DTNA: variants seen among roughly 807,000 people sequenced by gnomAD.
DTNA encodes the protein dystrobrevin alpha.
In DTNA, 43 loss-of-function variants were observed where a neutral mutation model predicts 100.7. The observed-to-expected ratio is 0.43, with a 90% CI of 0.33 to 0.55. DTNA has a LOEUF of 0.55. Among genes scored for constraint, DTNA ranks in the 20% least tolerant of loss-of-function variants. The probability of loss-of-function intolerance (pLI) is 0.04; values close to 1 mark genes in which losing one functional copy is unlikely to be tolerated. For synonymous variants in DTNA, 349 were observed against 347.9 expected (o/e 1.00, Z -0.04); for missense variants, 798 against 953.9 (o/e 0.84, Z 2.15).
chr18:34,624,226 A>G (rs2056984061), intron 1 of DTNA, among the ~76,000 whole-genome samples: 1 of 152,240 alleles, frequency 6.6e-6, no homozygotes, highest in African/African-American at 2.4e-5. Context: ...TTCAATTTCA[A>G]TTCACTTTTG....
intron 1 of DTNA, among the ~76,000 whole-genome samples, chr18:34,677,774 CAG>C (rs1281676763): frequency 6.6e-6 from 1 of 152,000 alleles, no homozygotes; most frequent in Non-Finnish European, 1.5e-5. Context: ...GAATGTCAAA[CAG>C]AAGATGTATA....
At chr18:34,693,947 A>C (rs968155445) in intron 1 of DTNA, among the ~76,000 whole-genome samples, 4 of 152,140 alleles carry the variant, frequency 2.6e-5, no homozygotes, top group Admixed American at 2.6e-4. Context: ...ATCCTTAAAC[A>C]CCTTATGTAT....
At chr18:34,498,684 A>T (rs933013604) in intron 1 of DTNA, among the ~76,000 whole-genome samples, 1 of 151,954 alleles carries the variant, frequency 6.6e-6, no homozygotes, top group African/African-American at 2.4e-5. Flanking sequence ...ACAGCAACCA[A>T]ATTGGGTTTT....
At chr18:34,671,306 C>T (rs540528855) in intron 1 of DTNA, among the ~76,000 whole-genome samples, 6 of 152,120 alleles carry the variant, frequency 3.9e-5, no homozygotes, top group Non-Finnish European at 8.8e-5. Context: ...GGGAGTGAAC[C>T]GATTTTCCAG....
chr18:34,738,513 C>G (rs1158941735), intron 1 of DTNA, among the ~76,000 whole-genome samples: 3 of 152,114 alleles, frequency 2.0e-5, no homozygotes, highest in Middle Eastern at 3.2e-3. Flanking sequence ...TACTAAAAAT[C>G]TAGATTACCA....
intron 17 of DTNA, chr18:34,866,934 T>C: frequency 8.6e-7 from 1 of 1,162,208 alleles, no homozygotes; most frequent in Non-Finnish European, 1.1e-6. Context: ...TGGAGCTGTC[T>C]GAACCTGTGG....
At chr18:34,690,020 G>A (rs967339824) in intron 1 of DTNA, among the ~76,000 whole-genome samples, 5 of 152,190 alleles carry the variant, frequency 3.3e-5, no homozygotes, top group South Asian at 2.1e-4. Flanking sequence ...GTCACAGATC[G>A]ACTTCAGACT....
chr18:34,769,753 C>CTTTTTTTTTT (rs1568462894), intron 3 of DTNA, among the ~76,000 whole-genome samples: 11 of 33,226 alleles, frequency 3.3e-4, no homozygotes, highest in East Asian at 3.8e-3. Context: ...CAGAGTTTCA[C>CTTTTTTTTTT]TCTTTTTTCC....
At chr18:34,641,880 G>A (rs773290952) in intron 1 of DTNA, among the ~76,000 whole-genome samples, 7 of 152,236 alleles carry the variant, frequency 4.6e-5, no homozygotes, top group Admixed American at 6.5e-5. Context: ...AGTTACATGC[G>A]TGCTGACTTT....
At chr18:34,773,067 T>C (rs1198001103) in intron 3 of DTNA, among the ~76,000 whole-genome samples, 1 of 152,240 alleles carries the variant, frequency 6.6e-6, no homozygotes, top group Non-Finnish European at 1.5e-5. Context: ...CCAGCCCAGC[T>C]AGAGTGTCCT....
intron 17 of DTNA, among the ~76,000 whole-genome samples, chr18:34,873,467 C>G (rs1194618943): frequency 6.6e-6 from 1 of 152,204 alleles, no homozygotes. Context: ...GGCATCTGAC[C>G]AGCGTCTGTC....
chr18:34,698,624 C>T (rs2080937636), intron 1 of DTNA, among the ~76,000 whole-genome samples: 1 of 152,174 alleles, frequency 6.6e-6, no homozygotes, highest in Non-Finnish European at 1.5e-5. Context: ...AGTATTGACT[C>T]ACACGATCAC....
At chr18:34,812,426 G>C (rs192508200) in intron 6 of DTNA, among the ~76,000 whole-genome samples, 1 of 152,068 alleles carries the variant, frequency 6.6e-6, no homozygotes, top group African/African-American at 2.4e-5. Context: ...AGACATACCC[G>C]AGACTGGGTA....
At chr18:34,615,109 G>A (rs1049249264) in intron 1 of DTNA, among the ~76,000 whole-genome samples, 5 of 152,210 alleles carry the variant, frequency 3.3e-5, no homozygotes, top group African/African-American at 1.2e-4. Context: ...CAAGCATGGT[G>A]CTGACACCTG....
chr18:34,620,902 A>G (rs2056362857), intron 1 of DTNA, among the ~76,000 whole-genome samples: 1 of 152,192 alleles, frequency 6.6e-6, no homozygotes, highest in South Asian at 2.1e-4. Flanking sequence ...TGCACATTGC[A>G]TAGTTGAAAT....
chr18:34,848,835 CA>C (rs1442768181), intron 14 of DTNA, among the ~76,000 whole-genome samples: 3 of 152,224 alleles, frequency 2.0e-5, no homozygotes, highest in African/African-American at 7.2e-5. Context: ...AAGCAACTGT[CA>C]GCTCAACACA....
chr18:34,569,243 A>G (rs2579796), intron 1 of DTNA, among the ~76,000 whole-genome samples: 30,112 of 152,034 alleles, frequency 0.2, 3,501 homozygotes, highest in African/African-American at 0.31. Context: ...AGGGAAAGGA[A>G]AGGAGGAGAG....
intron 1 of DTNA, among the ~76,000 whole-genome samples, chr18:34,692,604 A>G (rs2079932252): frequency 6.6e-6 from 1 of 152,246 alleles, no homozygotes; most frequent in Admixed American, 6.5e-5. Context: ...TTATAACTGC[A>G]CAGATCTTTA....
intron 17 of DTNA, chr18:34,866,216 G>T: frequency 1.2e-6 from 2 of 1,613,550 alleles, no homozygotes; most frequent in Non-Finnish European, 1.7e-6. Context: ...TTGCTCTAAT[G>T]TATGTTCATG....
Sources: allele counts gnomAD v4.1 joint callset (sites outside exome capture counted in the v4.1 genomes callset), GRCh38; gene constraint gnomAD v4.1.1; transcripts MANE v1.5; gene names NCBI Gene and HGNC (gene_info 2026-07-23, HGNC 2026-07-21).